The following SLC9A9 variants were observed in gnomAD, a reference collection of about 807,000 sequenced individuals.
SLC9A9 encodes solute carrier family 9 member A9.
Under a neutral mutation model 77.8 loss-of-function variants are expected in SLC9A9, and 62 were observed. The observed-to-expected ratio is 0.80, with a 90% CI of 0.65 to 0.98. The LOEUF is 0.98. Ranked by LOEUF, SLC9A9 falls within the 50% of genes least tolerant of loss-of-function variation. The pLI, the probability that SLC9A9 is intolerant of heterozygous loss-of-function variation, is 0.00. For missense variants in SLC9A9, 775 were observed against 774.9 expected (o/e 1.00, Z 0.00); for synonymous variants, 320 against 283.5 (o/e 1.13, Z -1.29).
intron 5 of SLC9A9, among the ~76,000 whole-genome samples, chr3:143,657,491 C>T (rs1406917254): frequency 6.6e-6 from 1 of 152,134 alleles, no homozygotes; most frequent in East Asian, 1.9e-4. Flanking sequence ...CCTGGAGGTT[C>T]CTGGGAACTA....
At chr3:143,696,287 T>C (rs1219653798) in intron 4 of SLC9A9, among the ~76,000 whole-genome samples, 1 of 152,212 alleles carries the variant, frequency 6.6e-6, no homozygotes, top group Non-Finnish European at 1.5e-5. Flanking sequence ...AGGTCTTATG[T>C]TTAAGTCTTT....
rs149143403 is a variant in SLC9A9 at position 143,320,218 on chromosome 3, T to A, written c.1604+43266A>T. ...ATCCATCTTACTATCGTATCCTCAG[T>A]GCCTGGAACTTGCCTGGTGCATAGT... On this transcript the variant is annotated intron_variant, in intron 14 of 15. Coordinates refer to ENST00000316549, the MANE Select transcript of SLC9A9 (RefSeq NM_173653.4). 2.0e-3 allele frequency among the ~76,000 whole-genome samples: 307 copies of A among 152,354 alleles called. 3 individuals are homozygous for A. Among genetic ancestry groups the A allele is most frequent in the African/African-American group, 7.2e-3 (299 of 41,584 alleles).
chr3:143,562,564 T>C (rs1406317756), intron 8 of SLC9A9, among the ~76,000 whole-genome samples: 4 of 151,916 alleles, frequency 2.6e-5, no homozygotes, highest in Non-Finnish European at 5.9e-5. Flanking sequence ...CTATGCTTAA[T>C]TGTCAAACTA....
At chr3:143,527,480 A>G (rs1381846960) in intron 9 of SLC9A9, among the ~76,000 whole-genome samples, 3 of 152,206 alleles carry the variant, frequency 2.0e-5, no homozygotes, top group African/African-American at 7.2e-5. Context: ...TTACTTGACT[A>G]GTTGTCTTTG....
At chr3:143,318,152 C>T (rs2031290667) in intron 14 of SLC9A9, among the ~76,000 whole-genome samples, 2 of 152,192 alleles carry the variant, frequency 1.3e-5, no homozygotes. Flanking sequence ...TTTATTTTTA[C>T]TATTTCTCAA....
At position 143,552,411 on chromosome 3, in the gene SLC9A9, T is replaced by C; in HGVS notation, c.1040A>G (p.His347Arg). 2 of 1,613,266 alleles carry C rather than the reference T, an allele frequency of 1.2e-6. No individual in the cohort carries two copies. The highest frequency in any genetic ancestry group is 1.7e-6 in the Non-Finnish European group (2 of 1,179,584). ...AVLFCGVTQA[H>R]YTYNNLSSDS... ...CGAAGACAGATTGTTGTAGGTATAA[T>C]GTGCTTGTGTGACTCCACAGAAGAG... Residue 347 changes from histidine to arginine, a missense_variant, in exon 9 of 16, where the codon CAT (histidine) becomes CGT (arginine). Coordinates refer to ENST00000316549, the MANE Select transcript of SLC9A9 (RefSeq NM_173653.4).
At chr3:143,390,023 A>G (rs2033521837) in intron 12 of SLC9A9, among the ~76,000 whole-genome samples, 1 of 152,212 alleles carries the variant, frequency 6.6e-6, no homozygotes, top group Non-Finnish European at 1.5e-5. Flanking sequence ...ACACACTGTC[A>G]TTGACAGGTA....
chr3:143,456,341 A>T (rs1576510282), intron 12 of SLC9A9, among the ~76,000 whole-genome samples: 1 of 152,314 alleles, frequency 6.6e-6, no homozygotes, highest in South Asian at 2.1e-4. Context: ...TGTATAAAAA[A>T]GATTGGACTA....
chr3:143,556,391 C>T (rs1014314773), intron 8 of SLC9A9, among the ~76,000 whole-genome samples: 9 of 152,216 alleles, frequency 5.9e-5, no homozygotes, highest in African/African-American at 2.2e-4. Flanking sequence ...TTTCCTTTGC[C>T]AGTGCTGTTG....
At chr3:143,597,467 C>G (rs1449282016) in intron 6 of SLC9A9, among the ~76,000 whole-genome samples, 2 of 152,196 alleles carry the variant, frequency 1.3e-5, no homozygotes, top group Non-Finnish European at 2.9e-5. Context: ...GAGAACTGGC[C>G]TCGCAACCTT....
intron 12 of SLC9A9, among the ~76,000 whole-genome samples, chr3:143,408,562 C>G (rs376447708): frequency 6.6e-6 from 1 of 152,150 alleles, no homozygotes; most frequent in South Asian, 2.1e-4. Flanking sequence ...CAGGTGAAAC[C>G]GCCTCGAGCA....
In SLC9A9 at chr3:143,308,891, G is replaced by C. The variant is rs558288611; in HGVS notation, c.1605-39911C>G. ...CCTGAATTTTTACTTTGACACTGAA[G>C]TGTATCTGGTGATCTTTTGTAAGTC... On this transcript the variant is annotated intron_variant, in intron 14 of 15. Transcript: ENST00000316549. 2.0e-5 allele frequency among the ~76,000 whole-genome samples: 3 copies of C among 152,280 alleles called. No homozygotes were observed. The South Asian group carries it at 6.2e-4, about 32-fold the overall frequency.
At chr3:143,613,750 C>G (rs1388369934) in intron 6 of SLC9A9, among the ~76,000 whole-genome samples, 1 of 150,900 alleles carries the variant, frequency 6.6e-6, no homozygotes. Context: ...CTATTCTATT[C>G]ATTTGACCTC....
chr3:143,292,712 A>G (rs78218284), intron 14 of SLC9A9, among the ~76,000 whole-genome samples: 4,072 of 151,830 alleles, frequency 0.027, 180 homozygotes, highest in African/African-American at 0.091. Flanking sequence ...CATGTATTAT[A>G]CTCTCTAAGA....
chr3:143,630,564 T>C (rs2038407408), intron 6 of SLC9A9, among the ~76,000 whole-genome samples: 1 of 152,162 alleles, frequency 6.6e-6, no homozygotes, highest in Non-Finnish European at 1.5e-5. Flanking sequence ...TCAGATAAGA[T>C]CAATTTTGTT....
chr3:143,678,047 G>T (rs1233912732), intron 5 of SLC9A9, among the ~76,000 whole-genome samples: 1 of 151,916 alleles, frequency 6.6e-6, no homozygotes, highest in Non-Finnish European at 1.5e-5. Flanking sequence ...AGGATGGTCT[G>T]GATCTCCTGA....
chr3:143,840,046 G>A (rs1164072674), intron 1 of SLC9A9, among the ~76,000 whole-genome samples: 1 of 152,148 alleles, frequency 6.6e-6, no homozygotes, highest in African/African-American at 2.4e-5. Flanking sequence ...TATTTTCCTA[G>A]CAAAGTATTT....
chr3:143,583,641 A>G (rs1050389841), intron 6 of SLC9A9, among the ~76,000 whole-genome samples: 6 of 152,370 alleles, frequency 3.9e-5, no homozygotes, highest in African/African-American at 1.4e-4. Context: ...TGACAATAAT[A>G]GTACCAACCA....
rs977919914 is a variant in SLC9A9 at position 143,607,278 on chromosome 3, C to T, written c.756-28555G>A. ...ACCGAGATAATTTACTAATCATATG[C>T]TTTTAGTAAGAGAATCACTAAAGGA... is the stretch of plus-strand genomic sequence containing the variant. On this transcript the variant is annotated intron_variant, in intron 6 of 15. Transcript: ENST00000316549. Among the ~76,000 whole-genome samples, 7 of 151,798 alleles carry T rather than the reference C, an allele frequency of 4.6e-5. No homozygotes were observed. The South Asian group carries it at 8.4e-4, about 18-fold the overall frequency.
Sources: gnomAD v4.1 joint callset for allele counts (sites outside exome capture counted in the v4.1 genomes callset) on GRCh38, gnomAD v4.1.1 for gene constraint, MANE v1.5 for transcripts, NCBI Gene and HGNC (gene_info 2026-07-23, HGNC 2026-07-21) for gene names.